Variants in SHISA9 observed in about 807,000 individuals in gnomAD.
SHISA9 encodes the protein protein shisa-9.
Under a neutral mutation model 38.0 loss-of-function variants are expected in SHISA9, and 13 were observed. The observed-to-expected ratio is 0.34, with a 90% CI of 0.22 to 0.54. The LOEUF (loss-of-function observed/expected upper bound fraction) is 0.54, where lower values mean the gene tolerates loss of function less well. Ranked by LOEUF, SHISA9 falls within the 20% of genes least tolerant of loss-of-function variation. SHISA9 has a pLI of 0.91. For missense variants in SHISA9, 538 were observed against 575.8 expected, an observed-to-expected ratio of 0.93 and a Z score of 0.67; for synonymous variants, 275 against 242.0, an observed-to-expected ratio of 1.14 and a Z score of -1.27.
chr16:13,045,920 C>T (rs985595467), intron 2 of SHISA9, among the ~76,000 whole-genome samples: 13 of 152,156 alleles, frequency 8.5e-5, no homozygotes, highest in South Asian at 6.2e-4. Flanking sequence ...GACCTTTTGA[C>T]GAGTCTGCAG....
At chr16:13,147,881 G>C (rs781361884) in intron 2 of SHISA9, among the ~76,000 whole-genome samples, 1 of 152,170 alleles carries the variant, frequency 6.6e-6, no homozygotes, top group Non-Finnish European at 1.5e-5. Flanking sequence ...ACTGAGCATA[G>C]CTTGAGAGAA....
the SHISA9 span, among the ~76,000 whole-genome samples, chr16:13,266,671 G>A: frequency 6.6e-6 from 1 of 152,292 alleles, no homozygotes; most frequent in South Asian, 2.1e-4. Flanking sequence ...AACTCTTGCT[G>A]GAAGTCCAAG....
chr16:13,048,040 T>C (rs1386109503), intron 2 of SHISA9, among the ~76,000 whole-genome samples: 2 of 152,182 alleles, frequency 1.3e-5, no homozygotes, highest in Non-Finnish European at 2.9e-5. Context: ...GTGCCCACCA[T>C]TGAGACTTCT....
chr16:13,402,362 G>T, the SHISA9 span, among the ~76,000 whole-genome samples: 1 of 152,144 alleles, frequency 6.6e-6, no homozygotes, highest in Non-Finnish European at 1.5e-5. Flanking sequence ...AGGGTACAAA[G>T]TTTCAACAAC....
intron 2 of SHISA9, among the ~76,000 whole-genome samples, chr16:13,082,040 G>A (rs375615838): frequency 8.5e-5 from 13 of 152,094 alleles, no homozygotes; most frequent in East Asian, 7.7e-4. Flanking sequence ...GGGAGTTACC[G>A]CCAACTCATT....
At chr16:12,970,477 A>ATATATATACATATATGTGTG (rs2072060862) in intron 2 of SHISA9, among the ~76,000 whole-genome samples, 2 of 18,678 alleles carry the variant, frequency 1.1e-4, no homozygotes, top group African/African-American at 4.1e-4. Context: ...GTGTATATAT[A>ATATATATACATATATGTGTG]TATATATATA....
the SHISA9 span, among the ~76,000 whole-genome samples, chr16:13,440,664 C>G: frequency 6.6e-6 from 1 of 152,204 alleles, no homozygotes; most frequent in South Asian, 2.1e-4. Context: ...TGCGGCGGCT[C>G]ACGACTATAA....
chr16:13,173,384 AC>A (rs2050704876), intron 2 of SHISA9, among the ~76,000 whole-genome samples: 1 of 146,864 alleles, frequency 6.8e-6, no homozygotes, highest in Admixed American at 6.7e-5. Context: ...ATGTACACAC[AC>A]ACACACACAC....
At chr16:13,073,222 C>G (rs866022784) in intron 2 of SHISA9, among the ~76,000 whole-genome samples, 3 of 137,856 alleles carry the variant, frequency 2.2e-5, no homozygotes. Context: ...CTCTCTCTCT[C>G]TTTTTTTTTT....
the SHISA9 span, among the ~76,000 whole-genome samples, chr16:13,410,030 T>C: frequency 3.9e-5 from 6 of 152,244 alleles, no homozygotes; most frequent in Non-Finnish European, 7.3e-5. Context: ...GCAATGATTA[T>C]ATTTTTAGTA....
At chr16:13,488,949 A>G in the SHISA9 span, among the ~76,000 whole-genome samples, 1 of 151,288 alleles carries the variant, frequency 6.6e-6, no homozygotes, top group African/African-American at 2.4e-5. Flanking sequence ...AATTTTTTGT[A>G]TTTTTACTAG....
At position 13,235,555 on chromosome 16, in the gene SHISA9, A is replaced by T. The variant is rs1412586958; in HGVS notation, c.*146A>T. ...AACCAACTCTAAACCTACTGGGGAC[A>T]CAGAGTCGCGCTTTTCCTAGGTCAT... is the stretch of plus-strand genomic sequence containing the variant. On this transcript the variant is annotated 3_prime_UTR_variant, in exon 5 of 5. Transcript: ENST00000558583. The T allele has an allele frequency of 9.4e-7, 1 of 1,062,000 alleles. No individual in the cohort carries two copies. Among genetic ancestry groups the T allele is most frequent in the Non-Finnish European group, 1.3e-6 (1 of 760,612 alleles). 65.8% of individuals were successfully genotyped at this position (1,062,000 alleles called of 1,614,324 possible).
At chr16:13,504,339 A>G in the SHISA9 span, among the ~76,000 whole-genome samples, 1 of 152,136 alleles carries the variant, frequency 6.6e-6, no homozygotes, top group Non-Finnish European at 1.5e-5. Flanking sequence ...AATGACCACA[A>G]CTAACTGATT....
intron 2 of SHISA9, among the ~76,000 whole-genome samples, chr16:12,965,389 T>C (rs2071963650): frequency 6.6e-6 from 1 of 152,228 alleles, no homozygotes. Context: ...CTGTATTTGT[T>C]GGCAGTCATT....
At chr16:13,349,854 T>G in the SHISA9 span, among the ~76,000 whole-genome samples, 12 of 152,170 alleles carry the variant, frequency 7.9e-5, no homozygotes, top group Non-Finnish European at 2.9e-5. Context: ...AGGGAGGAAC[T>G]AGGTTAAATA....
chr16:13,453,401 A>G, the SHISA9 span, among the ~76,000 whole-genome samples: 1 of 152,204 alleles, frequency 6.6e-6, no homozygotes, highest in Non-Finnish European at 1.5e-5. Flanking sequence ...GTAAGATAAG[A>G]CAATCACAAA....
the SHISA9 span, among the ~76,000 whole-genome samples, chr16:13,323,935 G>A: frequency 6.6e-6 from 1 of 152,162 alleles, no homozygotes; most frequent in Non-Finnish European, 1.5e-5. Context: ...GGAGGTGTTT[G>A]GGTCATGGGG....
chr16:13,492,141 C>G, the SHISA9 span, among the ~76,000 whole-genome samples: 1 of 151,974 alleles, frequency 6.6e-6, no homozygotes, highest in African/African-American at 2.4e-5. Context: ...GCTCTCTGTT[C>G]CGGTGTCACC....
At chr16:12,916,956 A>G in intron 2 of SHISA9, 141 bp downstream of exon 2, 2 of 993,494 alleles carry the variant, frequency 2.0e-6, no homozygotes, top group Non-Finnish European at 2.9e-6. Context: ...TGTCTTTTGG[A>G]TGAAGCTGAA....
Sources: gnomAD v4.1 joint callset for allele counts (sites outside exome capture counted in the v4.1 genomes callset) on GRCh38, gnomAD v4.1.1 for gene constraint, MANE v1.5 for transcripts, NCBI Gene and HGNC (gene_info 2026-07-23, HGNC 2026-07-21) for gene names.